SGPP2: variants seen among roughly 807,000 people sequenced by gnomAD.
SGPP2 encodes sphingosine 1-phosphate phosphohydrolase 2.
SGPP2 carries 30 observed loss-of-function variants against 33.9 expected under a neutral mutation model. The ratio of observed to expected loss-of-function variants is 0.89; its 90% CI spans 0.66 to 1.20. The LOEUF (loss-of-function observed/expected upper bound fraction) is 1.20, where lower values mean the gene tolerates loss of function less well. Ranked by LOEUF, SGPP2 falls within the 50% of genes most tolerant of loss-of-function variation. SGPP2 has a pLI of 0.00. For missense variants in SGPP2, 458 were observed against 532.1 expected (o/e 0.86, Z 1.37); for synonymous variants, 233 against 225.0 (o/e 1.04, Z -0.32).
chr2:222,533,792 T>TC (rs34369778), intron 4 of SGPP2, among the ~76,000 whole-genome samples: 1 of 150,754 alleles, frequency 6.6e-6, no homozygotes, highest in Non-Finnish European at 1.5e-5. Context: ...TTCATTTATT[T>TC]TTTTTTTTTT....
Position 222,558,631 on chromosome 2 carries a change from G to A in SGPP2, c.933G>A (p.Gln311=), listed in dbSNP as rs375712595. ...CCGCTGAATCTCTCCCTGTTATTCA[G>A]AACATCCCACCACTCACCACCTACA... ...SKPAESLPVI[Q]NIPPLTTYML... The change falls in exon 5 of 5, where the codon CAG becomes CAA. Residue 311 remains glutamine, a synonymous_variant. Transcript: ENST00000321276. 6.2e-7 allele frequency: 1 copy of A among 1,614,000 alleles called. No homozygotes were observed. The highest frequency in any genetic ancestry group is 1.3e-5 in the African/African-American group (1 of 74,894).
intron 1 of SGPP2, among the ~76,000 whole-genome samples, chr2:222,469,386 T>C (rs1343309717): frequency 6.6e-6 from 1 of 152,326 alleles, no homozygotes; most frequent in East Asian, 1.9e-4. Context: ...GGTTTCACCA[T>C]CTTGGCCAGG....
At chr2:222,462,666 T>A (rs1697681364) in intron 1 of SGPP2, among the ~76,000 whole-genome samples, 2 of 152,166 alleles carry the variant, frequency 1.3e-5, no homozygotes, top group African/African-American at 4.8e-5. Context: ...TAGCACCACC[T>A]GCACTCACGA....
chr2:222,534,306 C>T (rs995774757), intron 4 of SGPP2, among the ~76,000 whole-genome samples: 1 of 152,160 alleles, frequency 6.6e-6, no homozygotes, highest in African/African-American at 2.4e-5. Flanking sequence ...TTGTTGTTAG[C>T]GAATGTGTGA....
At position 222,476,897 on chromosome 2, in the gene SGPP2, G is replaced by A. The variant is rs1297526034; in HGVS notation, c.378+2171G>A. 6.6e-6 allele frequency among the ~76,000 whole-genome samples: 1 copy of A among 151,080 alleles called. No individual in the cohort carries two copies. The highest frequency in any genetic ancestry group is 1.5e-5 in the Non-Finnish European group (1 of 67,818). On this transcript the variant is annotated intron_variant, in intron 2 of 4. Coordinates refer to ENST00000321276, the MANE Select transcript of SGPP2 (RefSeq NM_152386.4). This position sits in a 1 kb window ranked among gnomAD's most constrained non-coding sequence, Gnocchi z 4.3. ...GTGTGTGTATATATGTGTGTTTATT[G>A]TATGTATATAGATGTGTATATATGT...
At chr2:222,491,112 C>A (rs1183564679) in intron 2 of SGPP2, among the ~76,000 whole-genome samples, 1 of 151,394 alleles carries the variant, frequency 6.6e-6, no homozygotes, top group Admixed American at 6.7e-5. Flanking sequence ...TAAAAATAAT[C>A]TTTAAGATGG....
At chr2:222,553,926 C>G (rs886318701) in intron 4 of SGPP2, among the ~76,000 whole-genome samples, 2 of 152,062 alleles carry the variant, frequency 1.3e-5, no homozygotes, top group Non-Finnish European at 2.9e-5. Context: ...ACTCAGAATT[C>G]TTATGCCTTT....
intron 3 of SGPP2, 128 bp from the exon 4 acceptor site, chr2:222,524,816 C>G (rs1043782819): frequency 1.4e-6 from 1 of 699,906 alleles, no homozygotes; most frequent in Non-Finnish European, 2.4e-6. Flanking sequence ...AATCAGATTG[C>G]TGGTCTGGGG....
intron 1 of SGPP2, among the ~76,000 whole-genome samples, chr2:222,474,181 T>C (rs1276314202): frequency 6.6e-6 from 1 of 152,234 alleles, no homozygotes; most frequent in Non-Finnish European, 1.5e-5. Flanking sequence ...TATTCAGTTC[T>C]AGGATTTAGG....
At chr2:222,522,003 C>T in intron 3 of SGPP2, 57 bp downstream of exon 3, 1 of 1,433,514 alleles carries the variant, frequency 7.0e-7, no homozygotes. Context: ...ATAGAGGCTG[C>T]ACTTCTGAAT....
intron 4 of SGPP2, among the ~76,000 whole-genome samples, chr2:222,557,587 G>A (rs1337884456): frequency 2.0e-5 from 3 of 152,134 alleles, no homozygotes; most frequent in Non-Finnish European, 2.9e-5. Flanking sequence ...ACTAAGAATC[G>A]ATTAATTATA....
In SGPP2 at chr2:222,560,908, C is replaced by G. The variant is rs972929052; in HGVS notation, c.*2010C>G. The G allele has an allele frequency of 6.6e-6, 1 of 152,070 alleles. No individual in the cohort carries two copies. The highest frequency in any genetic ancestry group is 6.6e-5 in the Admixed American group (1 of 15,256). The allele number at this position is 152,070 out of a possible 1,614,324, so 9.4% of individuals were successfully genotyped here. ...GGACCACGAGGTCAGGAGATCGAGA[C>G]CATCCTGGCTAACACGGTACCCCGT... On this transcript the variant is annotated 3_prime_UTR_variant, in exon 5 of 5. Transcript: ENST00000321276.
chr2:222,529,371 G>A (rs1160696235), intron 4 of SGPP2, among the ~76,000 whole-genome samples: 1 of 151,996 alleles, frequency 6.6e-6, no homozygotes, highest in Non-Finnish European at 1.5e-5. Context: ...GTCTCACTCT[G>A]TCACCCAGGC....
rs145845022 is a variant in SGPP2, at chr2:222,531,758, C to T, written c.648+6725C>T. On this transcript the variant is annotated intron_variant, in intron 4 of 4. Coordinates refer to ENST00000321276, the MANE Select transcript of SGPP2 (RefSeq NM_152386.4). ...GCTTTGGTATTTTTTTAAGCTCCCC[C>T]GTTGATTTTAATGTGCAACCGGGGT... Among the ~76,000 whole-genome samples, 106 of 152,038 alleles carry T rather than the reference C, an allele frequency of 7.0e-4. 1 individual carries two copies. Among genetic ancestry groups the T allele is most frequent in the African/African-American group, 2.4e-3 (100 of 41,452 alleles).
At chr2:222,496,299 G>T (rs1698279559) in intron 2 of SGPP2, among the ~76,000 whole-genome samples, 2 of 152,202 alleles carry the variant, frequency 1.3e-5, no homozygotes, top group South Asian at 4.1e-4. Flanking sequence ...GCTTTCCAAA[G>T]TAGTAAGCAG....
At chr2:222,439,489 A>C (rs1201218037) in intron 1 of SGPP2, among the ~76,000 whole-genome samples, 1 of 152,126 alleles carries the variant, frequency 6.6e-6, no homozygotes, top group Non-Finnish European at 1.5e-5. Context: ...CTGAGATCAC[A>C]CCATTGCACT....
At chr2:222,499,173 T>C (rs1471532439) in intron 2 of SGPP2, among the ~76,000 whole-genome samples, 1 of 152,240 alleles carries the variant, frequency 6.6e-6, no homozygotes, top group Non-Finnish European at 1.5e-5. Context: ...AAGTGGACAT[T>C]ACACAGAGTA....
intron 2 of SGPP2, among the ~76,000 whole-genome samples, chr2:222,487,888 A>C (rs537128052): frequency 2.0e-5 from 3 of 152,202 alleles, no homozygotes; most frequent in South Asian, 4.2e-4. Flanking sequence ...CCGCTTGGCA[A>C]CCTTCATTTA....
chr2:222,509,568 G>A (rs1284450681), intron 2 of SGPP2, among the ~76,000 whole-genome samples: 1 of 152,170 alleles, frequency 6.6e-6, no homozygotes, highest in Non-Finnish European at 1.5e-5. Context: ...GTGCCCTGTG[G>A]ACGGGCAGAA....
Sources: allele counts gnomAD v4.1 joint callset (sites outside exome capture counted in the v4.1 genomes callset), GRCh38; gene constraint gnomAD v4.1.1; non-coding constraint Gnocchi (gnomAD v3.1); transcripts MANE v1.5; gene names NCBI Gene and HGNC (gene_info 2026-07-23, HGNC 2026-07-21).